The following CAMK1D variants were observed in gnomAD, a reference collection of about 807,000 sequenced individuals.
The protein encoded by CAMK1D is calcium/calmodulin-dependent protein kinase type 1D.
CAMK1D carries 9 observed loss-of-function variants against 47.7 expected under a neutral mutation model. The ratio of observed to expected loss-of-function variants is 0.19; its 90% CI spans 0.11 to 0.33. CAMK1D has a LOEUF of 0.33. Ranked by LOEUF, CAMK1D falls within the 10% of genes least tolerant of loss-of-function variation. The pLI, the probability that CAMK1D is intolerant of heterozygous loss-of-function variation, is 1.00. For missense variants in CAMK1D, 291 were observed against 488.7 expected, an observed-to-expected ratio of 0.60 and a Z score of 3.81; for synonymous variants, 184 against 184.9, an observed-to-expected ratio of 0.99 and a Z score of 0.04.
intron 1 of CAMK1D, among the ~76,000 whole-genome samples, chr10:12,472,479 C>T (rs1248371337): frequency 7.6e-6 from 1 of 130,918 alleles, no homozygotes; most frequent in Non-Finnish European, 1.6e-5. Context: ...CCCTTCATCC[C>T]TAGTCACTGT....
At chr10:12,712,627 G>A (rs1833979131) in intron 3 of CAMK1D, among the ~76,000 whole-genome samples, 1 of 152,076 alleles carries the variant, frequency 6.6e-6, no homozygotes, top group Non-Finnish European at 1.5e-5. Flanking sequence ...GACACTAATC[G>A]CATCCTGGGG....
intron 1 of CAMK1D, among the ~76,000 whole-genome samples, chr10:12,522,086 A>C (rs1588585877): frequency 6.6e-6 from 1 of 151,852 alleles, no homozygotes; most frequent in East Asian, 1.9e-4. Context: ...TATTAGAGTA[A>C]ATAGTGGGCC....
Position 12,532,856 on chromosome 10 carries a change from C to G in CAMK1D, c.93-20369C>G, listed in dbSNP as rs1036973761. Among the ~76,000 whole-genome samples, 15 of 150,440 alleles carry G rather than the reference C, an allele frequency of 1.0e-4. No homozygotes were observed. The Admixed American group carries it at 1.0e-3, about 10-fold the overall frequency. The stretch of plus-strand genomic sequence containing the variant: ...AAGCCAGGCACAGAAAGACAAACAT[C>G]GCATGTTCTCACCTATTTGTGGGAT... On this transcript the variant is annotated intron_variant, in intron 1 of 10. Coordinates refer to ENST00000619168, the MANE Select transcript of CAMK1D (RefSeq NM_153498.4).
chr10:12,441,621 T>C (rs1351258377), intron 1 of CAMK1D, among the ~76,000 whole-genome samples: 1 of 151,546 alleles, frequency 6.6e-6, no homozygotes, highest in Non-Finnish European at 1.5e-5. Flanking sequence ...GAGACCAGCC[T>C]GGCCAACACG....
intron 1 of CAMK1D, among the ~76,000 whole-genome samples, chr10:12,439,406 T>A (rs114015343): frequency 1.2e-3 from 188 of 152,322 alleles, no homozygotes; most frequent in African/African-American, 4.3e-3. Flanking sequence ...GTCCCTTTAT[T>A]TTTTTCAGGG....
At chr10:12,816,177 G>T in intron 7 of CAMK1D, 73 bp from the exon 8 acceptor site, 1 of 1,225,860 alleles carries the variant, frequency 8.2e-7, no homozygotes, top group Non-Finnish European at 1.2e-6. Flanking sequence ...TCCTCCTGAA[G>T]ACCTGGTGGG....
At chr10:12,479,908 C>G (rs1536529) in intron 1 of CAMK1D, among the ~76,000 whole-genome samples, 1 of 151,760 alleles carries the variant, frequency 6.6e-6, no homozygotes, top group South Asian at 2.1e-4. Context: ...CCACAGTTCT[C>G]AACGACGTCC....
At position 12,833,742 on chromosome 10, in the gene CAMK1D, C is replaced by T. The variant is rs1833458209; in HGVS notation, c.*4855C>T. The T allele has an allele frequency of 6.6e-6, 1 of 152,124 alleles. No individual in the cohort carries two copies. The highest frequency in any genetic ancestry group is 1.5e-5 in the Non-Finnish European group (1 of 68,026). 9.4% of individuals were successfully genotyped at this position (152,124 alleles called of 1,614,324 possible). A position where few individuals can be genotyped will look rare whatever the true frequency, so the allele number is the denominator to read the frequency against. ...AACAGAAGTAAGATGTCCTCTTTCC[C>T]AGGTTTGCACAATCACTTCTGGCAA... On this transcript the variant is annotated 3_prime_UTR_variant, in exon 11 of 11. Coordinates refer to ENST00000619168, the MANE Select transcript of CAMK1D (RefSeq NM_153498.4).
chr10:12,655,270 G>A (rs188689106), intron 2 of CAMK1D, among the ~76,000 whole-genome samples: 20 of 152,162 alleles, frequency 1.3e-4, no homozygotes, highest in African/African-American at 4.8e-4. Flanking sequence ...AGTGGGAGGG[G>A]GAGGTGCCAC....
intron 2 of CAMK1D, among the ~76,000 whole-genome samples, chr10:12,607,060 T>G (rs1298327134): frequency 6.6e-6 from 1 of 152,084 alleles, no homozygotes; most frequent in African/African-American, 2.4e-5. Flanking sequence ...TCTCTTGACC[T>G]CGTGATCCAC....
intron 1 of CAMK1D, among the ~76,000 whole-genome samples, chr10:12,515,144 G>A (rs1033530408): frequency 8.6e-5 from 13 of 152,002 alleles, no homozygotes; most frequent in Non-Finnish European, 1.5e-4. Context: ...ATTACAGCAT[G>A]AGCCACCACA....
chr10:12,827,259 T>TCC (rs1444411369), intron 10 of CAMK1D, among the ~76,000 whole-genome samples: 6 of 111,090 alleles, frequency 5.4e-5, no homozygotes, highest in Non-Finnish European at 1.2e-4. Flanking sequence ...TTTCTTTCTT[T>TCC]TTCTTTCCTT....
At chr10:12,740,752 T>G (rs943300492) in intron 3 of CAMK1D, among the ~76,000 whole-genome samples, 5 of 152,144 alleles carry the variant, frequency 3.3e-5, no homozygotes, top group Non-Finnish European at 1.5e-5. Flanking sequence ...TTTGGAGAGA[T>G]CTCTGTTTTG....
Position 12,422,862 on chromosome 10 carries a change from G to A in CAMK1D, c.92+72952G>A, listed in dbSNP as rs545442461. Among the ~76,000 whole-genome samples the A allele has an allele frequency of 3.3e-5, 5 of 151,950 alleles. No homozygotes were observed. In the South Asian group the frequency reaches 6.2e-4, roughly 19 times the overall value. On this transcript the variant is annotated intron_variant, in intron 1 of 10. Transcript: ENST00000619168. ...TCATTTTTGTATTTTTAGTAGAGACGGGGTTCCTCCATGTTGATCAGGCTG... is the reference window on the plus strand; with the variant it reads ...TCATTTTTGTATTTTTAGTAGAGACAGGGTTCCTCCATGTTGATCAGGCTG...
chr10:12,527,185 G>A (rs1176675093), intron 1 of CAMK1D, among the ~76,000 whole-genome samples: 1 of 151,912 alleles, frequency 6.6e-6, no homozygotes, highest in African/African-American at 2.4e-5. Flanking sequence ...CTAGAGCAGG[G>A]CAGGTAGAAA....
intron 4 of CAMK1D, among the ~76,000 whole-genome samples, chr10:12,769,075 G>A (rs1261340984): frequency 2.0e-5 from 3 of 152,166 alleles, no homozygotes; most frequent in Admixed American, 6.6e-5. Flanking sequence ...ACAGAAGTGC[G>A]GACCCCTTAA....
chr10:12,389,263 C>T (rs978315337), intron 1 of CAMK1D, among the ~76,000 whole-genome samples: 3 of 152,132 alleles, frequency 2.0e-5, no homozygotes, highest in Non-Finnish European at 4.4e-5. Context: ...AGGTGGTTGG[C>T]GGTGGCGCGT....
At chr10:12,805,527 T>C (rs1158359884) in intron 6 of CAMK1D, among the ~76,000 whole-genome samples, 1 of 151,870 alleles carries the variant, frequency 6.6e-6, no homozygotes. Flanking sequence ...TGCGCCACCA[T>C]GCTCGGCTAA....
intron 3 of CAMK1D, among the ~76,000 whole-genome samples, chr10:12,712,905 T>G (rs77951949): frequency 6.6e-6 from 1 of 152,242 alleles, no homozygotes; most frequent in East Asian, 1.9e-4. Context: ...GCAGCCAGCT[T>G]CATTGTCAGT....
Sources: gnomAD v4.1 joint callset for allele counts (sites outside exome capture counted in the v4.1 genomes callset) on GRCh38, gnomAD v4.1.1 for gene constraint, MANE v1.5 for transcripts, NCBI Gene and HGNC (gene_info 2026-07-23, HGNC 2026-07-21) for gene names.